SUFU: variants seen among roughly 807,000 people sequenced by gnomAD.
The protein encoded by SUFU is suppressor of fused homolog.
SUFU carries 7 observed loss-of-function variants against 58.9 expected under a neutral mutation model. The ratio of observed to expected loss-of-function variants is 0.12; its 90% CI spans 0.07 to 0.22. The LOEUF (loss-of-function observed/expected upper bound fraction) is 0.22. Among genes scored for constraint, SUFU ranks in the 10% least tolerant of loss-of-function variants. The pLI is 1.00. For synonymous variants in SUFU, 232 were observed against 254.8 expected (o/e 0.91, Z 0.85); for missense variants, 451 against 641.3 (o/e 0.70, Z 3.20).
chr10:102,614,570 C>T (rs965385871), intron 8 of SUFU, among the ~76,000 whole-genome samples: 11 of 131,886 alleles, frequency 8.3e-5, no homozygotes, highest in East Asian at 2.3e-4. Flanking sequence ...AAAAAAAAAA[C>T]GAAACAAAAA....
intron 8 of SUFU, among the ~76,000 whole-genome samples, chr10:102,605,577 T>C (rs559466243): frequency 3.2e-4 from 48 of 152,322 alleles, no homozygotes; most frequent in African/African-American, 1.0e-3. Context: ...TACTCCTATA[T>C]TGTCCTTATA....
Position 102,629,897 on chromosome 10 carries a change from G to A in SUFU, c.1366-169G>A, listed in dbSNP as rs368815104. ...AAAGAAGGGGTCACCAACTCCAGCC[G>A]TTTGAGCCCAGCCTGCCACCTGGGT... On this transcript the variant is annotated intron_variant, in intron 11 of 11. Coordinates refer to ENST00000369902, the MANE Select transcript of SUFU (RefSeq NM_016169.4). The surrounding 1 kb of genome is among the most constrained non-coding windows in gnomAD (Gnocchi z 4.7). 3.3e-5 allele frequency among the ~76,000 whole-genome samples: 5 copies of A among 152,306 alleles called. No homozygotes were observed. The highest frequency in any genetic ancestry group is 5.9e-5 in the Non-Finnish European group (4 of 68,004).
At chr10:102,537,450 C>T (rs1364666050) in intron 2 of SUFU, among the ~76,000 whole-genome samples, 1 of 152,150 alleles carries the variant, frequency 6.6e-6, no homozygotes, top group Non-Finnish European at 1.5e-5. Flanking sequence ...CCATTTTAAC[C>T]ATTTTTAGAT....
intron 2 of SUFU, among the ~76,000 whole-genome samples, chr10:102,541,355 A>G (rs2062796996): frequency 2.0e-5 from 3 of 152,094 alleles, no homozygotes; most frequent in Middle Eastern, 6.8e-3. Flanking sequence ...TTTCTACAGA[A>G]ATGAGTAGGT....
Position 102,625,525 on chromosome 10 carries a change from A to G in SUFU, c.1297-1650A>G, listed in dbSNP as rs1445168916. 6.6e-6 allele frequency among the ~76,000 whole-genome samples: 1 copy of G among 152,106 alleles called. No homozygotes were observed. The highest frequency in any genetic ancestry group is 1.5e-5 in the Non-Finnish European group (1 of 68,014). On this transcript the variant is annotated intron_variant, in intron 10 of 11. Transcript: ENST00000369902. This position sits in a 1 kb window ranked among gnomAD's most constrained non-coding sequence, Gnocchi z 4.7. ...CCTTCATGCCTGTGTCCCTGGAAGG[A>G]TGAATGGATGAGTTAGTGTCCTGGG...
Position 102,586,455 on chromosome 10 carries a change from T to A in SUFU, c.455-6127T>A, listed in dbSNP as rs565570797. On this transcript the variant is annotated intron_variant, in intron 3 of 11. Transcript: ENST00000369902. Reference sequence around the variant, plus strand: ...TTGGGAGGCCGAGGCGGGTGGATCATGAGGTCAGGAGATCGAGACCATCCT... The same window carrying A: ...TTGGGAGGCCGAGGCGGGTGGATCAAGAGGTCAGGAGATCGAGACCATCCT... 3.2e-4 allele frequency among the ~76,000 whole-genome samples: 48 copies of A among 151,906 alleles called. No homozygotes were observed. The East Asian group carries it at 9.1e-3, about 29-fold the overall frequency.
At chr10:102,518,061 C>T (rs556351084) in intron 2 of SUFU, among the ~76,000 whole-genome samples, 1 of 152,282 alleles carries the variant, frequency 6.6e-6, no homozygotes, top group Non-Finnish European at 1.5e-5. Context: ...GAGGCTCTCT[C>T]CCCTCATCCT....
At chr10:102,613,851 G>A (rs557918880) in intron 8 of SUFU, among the ~76,000 whole-genome samples, 1 of 152,348 alleles carries the variant, frequency 6.6e-6, no homozygotes, top group East Asian at 1.9e-4. Context: ...TTTTGGTGGG[G>A]AGCAGGCAGG....
intron 2 of SUFU, among the ~76,000 whole-genome samples, chr10:102,548,847 C>T (rs900973934): frequency 3.9e-5 from 6 of 152,152 alleles, no homozygotes; most frequent in Non-Finnish European, 8.8e-5. Flanking sequence ...TGCTTTCTCT[C>T]ATTGTCACTT....
intron 3 of SUFU, among the ~76,000 whole-genome samples, chr10:102,565,687 G>A (rs912297074): frequency 1.3e-5 from 2 of 152,178 alleles, no homozygotes; most frequent in African/African-American, 4.8e-5. Context: ...TGGGACTACA[G>A]GTGCCCGCCA....
At chr10:102,627,293 G>T (rs560373574) in intron 11 of SUFU, 50 bp downstream of exon 11, 2 of 1,508,328 alleles carry the variant, frequency 1.3e-6, no homozygotes, top group Admixed American at 3.3e-5. Context: ...CTGGGACCAT[G>T]TGTGTGCGTG....
chr10:102,571,913 G>A (rs879356524), intron 3 of SUFU, among the ~76,000 whole-genome samples: 15 of 152,060 alleles, frequency 9.9e-5, no homozygotes, highest in Admixed American at 9.2e-4. Flanking sequence ...TCCAAGTTCC[G>A]TCAGGTTGTT....
intron 9 of SUFU, 90 bp downstream of exon 9, chr10:102,615,492 C>G (rs1295393872): frequency 6.9e-6 from 11 of 1,594,400 alleles, no homozygotes; most frequent in East Asian, 2.2e-5. Context: ...GCCCCCTCCC[C>G]CAGCAGGCGT....
At chr10:102,519,352 G>A (rs962368743) in intron 2 of SUFU, among the ~76,000 whole-genome samples, 2 of 151,146 alleles carry the variant, frequency 1.3e-5, no homozygotes, top group African/African-American at 4.9e-5. Context: ...TGGTGAAACC[G>A]TCTCTACTAA....
intron 1 of SUFU, among the ~76,000 whole-genome samples, chr10:102,505,651 G>T (rs1003374190): frequency 6.6e-6 from 1 of 152,202 alleles, no homozygotes; most frequent in African/African-American, 2.4e-5. Flanking sequence ...GAGGCCAACA[G>T]CGTGGAGAGC....
intron 2 of SUFU, among the ~76,000 whole-genome samples, chr10:102,518,879 C>G (rs1460901701): frequency 1.3e-5 from 2 of 151,432 alleles, no homozygotes; most frequent in Non-Finnish European, 2.9e-5. Context: ...GTGGCTCACA[C>G]TTGTAATCCC....
At chr10:102,572,392 C>T (rs1310989629) in intron 3 of SUFU, among the ~76,000 whole-genome samples, 3 of 130,226 alleles carry the variant, frequency 2.3e-5, no homozygotes, top group Non-Finnish European at 3.2e-5. Flanking sequence ...CTTTTTCTTT[C>T]TTTTTTTTTT....
chr10:102,631,855 A>G lies in SUFU; in HGVS notation c.*1700A>G. 1 of 233,370 alleles carries G rather than the reference A, an allele frequency of 4.3e-6. No individual in the cohort carries two copies. The highest frequency in any genetic ancestry group is 8.5e-6 in the Non-Finnish European group (1 of 118,122). 14.5% of individuals were successfully genotyped at this position (233,370 alleles called of 1,614,324 possible). On this transcript the variant is annotated 3_prime_UTR_variant, in exon 12 of 12. Coordinates refer to ENST00000369902, the MANE Select transcript of SUFU (RefSeq NM_016169.4). ...GGCATATCAGCCTGGAGTATTTGGG[A>G]GAGACTGGCTGCAGATCCCCGCCAG...
intron 10 of SUFU, among the ~76,000 whole-genome samples, chr10:102,626,119 G>A (rs139681412): frequency 1.3e-5 from 2 of 152,276 alleles, no homozygotes; most frequent in Non-Finnish European, 2.9e-5. Flanking sequence ...CTGCAGTGGA[G>A]GGAGGCTGGG....
Sources: allele counts gnomAD v4.1 joint callset (sites outside exome capture counted in the v4.1 genomes callset), GRCh38; gene constraint gnomAD v4.1.1; non-coding constraint Gnocchi (gnomAD v3.1); transcripts MANE v1.5; gene names NCBI Gene and HGNC (gene_info 2026-07-23, HGNC 2026-07-21).